The following SLX4IP variants were observed in gnomAD, a reference collection of about 807,000 sequenced individuals.
SLX4IP encodes protein SLX4IP.
A neutral mutation model predicts 32.9 loss-of-function variants in SLX4IP; 34 were observed. That is an observed-to-expected ratio of 1.03 (90% CI 0.79 to 1.38). The LOEUF (loss-of-function observed/expected upper bound fraction) is 1.38. Among genes scored for constraint, SLX4IP ranks in the 40% most tolerant of loss-of-function variants. The probability of loss-of-function intolerance (pLI) is 0.00; values close to 1 mark genes in which losing one functional copy is unlikely to be tolerated. For synonymous variants in SLX4IP, 172 were observed against 171.7 expected (o/e 1.00, Z -0.01); for missense variants, 444 against 479.0 (o/e 0.93, Z 0.68).
chr20:10,480,396 C>A (rs1032018371), intron 2 of SLX4IP, among the ~76,000 whole-genome samples: 4 of 144,862 alleles, frequency 2.8e-5, no homozygotes, highest in Non-Finnish European at 4.5e-5. Flanking sequence ...AACAGCAGGA[C>A]CCTGTTTCCA....
intron 6 of SLX4IP, among the ~76,000 whole-genome samples, chr20:10,608,708 T>C: frequency 6.7e-6 from 1 of 150,210 alleles, no homozygotes; most frequent in African/African-American, 2.4e-5. Context: ...ATAGAAAGTC[T>C]AAGGCACTTA....
At chr20:10,606,410 G>A (rs1239136282) in intron 6 of SLX4IP, among the ~76,000 whole-genome samples, 1 of 152,150 alleles carries the variant, frequency 6.6e-6, no homozygotes, top group East Asian at 1.9e-4. Context: ...TTTAGAAAAT[G>A]AAATAAGTAG....
chr20:10,502,700 T>G (rs2065729312), intron 2 of SLX4IP, among the ~76,000 whole-genome samples: 1 of 152,082 alleles, frequency 6.6e-6, no homozygotes, highest in Non-Finnish European at 1.5e-5. Flanking sequence ...TCCCCAAAAT[T>G]TTCTGTCTTG....
At chr20:10,552,832 T>A (rs1461361410) in intron 2 of SLX4IP, among the ~76,000 whole-genome samples, 1 of 126,706 alleles carries the variant, frequency 7.9e-6, no homozygotes. Flanking sequence ...CCCCACCCCC[T>A]TTTTTTTTTT....
intron 3 of SLX4IP, among the ~76,000 whole-genome samples, chr20:10,557,293 A>T (rs993747996): frequency 1.3e-5 from 2 of 152,196 alleles, no homozygotes; most frequent in Non-Finnish European, 2.9e-5. Flanking sequence ...AAAAGATTTT[A>T]TAGGATAATA....
At chr20:10,610,248 C>T (rs1350446380) in intron 6 of SLX4IP, among the ~76,000 whole-genome samples, 3 of 82,798 alleles carry the variant, frequency 3.6e-5, no homozygotes, top group Non-Finnish European at 5.3e-5. Flanking sequence ...ATACTGTTTG[C>T]AGCCACTTAT....
chr20:10,528,913 C>G (rs1366369645), intron 2 of SLX4IP, among the ~76,000 whole-genome samples: 4 of 152,224 alleles, frequency 2.6e-5, no homozygotes, highest in Non-Finnish European at 5.9e-5. Flanking sequence ...CAAACACAGC[C>G]TAGCTCAAAG....
intron 4 of SLX4IP, among the ~76,000 whole-genome samples, chr20:10,588,841 A>G (rs2066675188): frequency 6.6e-6 from 1 of 152,220 alleles, no homozygotes; most frequent in Admixed American, 6.5e-5. Context: ...TATAAGGTGA[A>G]TAAGTTCTGG....
rs549963214 is a variant in SLX4IP at position 10,627,557 on chromosome 20, C to T, written c.*4178C>T. On this transcript the variant is annotated 3_prime_UTR_variant, in exon 8 of 8. Transcript: ENST00000334534. ...CTATATTTATTTACAAGACAGGGAA[C>T]AAATATGTGTCAATGTGCAGCTTAA... 8.5e-5 allele frequency: 13 copies of T among 152,270 alleles called. No homozygotes were observed. Among genetic ancestry groups the T allele is most frequent in the African/African-American group, 3.1e-4 (13 of 41,560 alleles). The allele number at this position is 152,270 out of a possible 1,614,324, so 9.4% of individuals were successfully genotyped here.
chr20:10,560,682 AT>A lies in SLX4IP; in HGVS notation c.118-12del, dbSNP rs1445974873. The A allele has an allele frequency of 2.0e-6, 3 of 1,522,672 alleles. No homozygotes were observed. The highest frequency in any genetic ancestry group is 2.4e-5 in the East Asian group (1 of 42,526). The allele number at this position is 1,522,672 out of a possible 1,614,324, so 94.3% of individuals were successfully genotyped here. ...GCATTAAATTTGAAGGTTATATCTA[AT>A]TTTTTATTTGCTTTAGGAAGTCTGT... On this transcript the variant is annotated splice_polypyrimidine_tract_variant and intron_variant, in intron 3 of 7. Transcript: ENST00000334534.
At chr20:10,565,389 C>T (rs752050676) in intron 4 of SLX4IP, among the ~76,000 whole-genome samples, 13 of 152,114 alleles carry the variant, frequency 8.5e-5, no homozygotes, top group Admixed American at 1.3e-4. Context: ...AGCCATGAGT[C>T]GGGGACAGCT....
intron 4 of SLX4IP, among the ~76,000 whole-genome samples, chr20:10,591,612 G>T (rs1442987571): frequency 6.6e-6 from 1 of 152,166 alleles, no homozygotes; most frequent in Admixed American, 6.6e-5. Flanking sequence ...TGAGTGAAGG[G>T]TTTTAAAGAG....
chr20:10,494,397 TAA>T (rs891853486), intron 2 of SLX4IP, among the ~76,000 whole-genome samples: 1 of 150,520 alleles, frequency 6.6e-6, no homozygotes, highest in Non-Finnish European at 1.5e-5. Context: ...TATATTATTA[TAA>T]GTTTCTTTAA....
chr20:10,532,065 T>C (rs1375859746), intron 2 of SLX4IP, among the ~76,000 whole-genome samples: 3 of 152,210 alleles, frequency 2.0e-5, no homozygotes, highest in Admixed American at 6.5e-5. Flanking sequence ...CCTTTTTCAC[T>C]GTGGGCCTCA....
At chr20:10,491,741 C>G (rs998108200) in intron 2 of SLX4IP, among the ~76,000 whole-genome samples, 8 of 152,088 alleles carry the variant, frequency 5.3e-5, no homozygotes, top group African/African-American at 1.9e-4. Context: ...CAAAAGAATT[C>G]AAGAACTCAT....
intron 2 of SLX4IP, among the ~76,000 whole-genome samples, chr20:10,505,091 A>T (rs753782203): frequency 2.4e-4 from 36 of 152,298 alleles, no homozygotes; most frequent in Non-Finnish European, 4.7e-4. Flanking sequence ...TAAGTGATTT[A>T]TTTTTTTGTT....
intron 5 of SLX4IP, 113 bp downstream of exon 5, chr20:10,598,865 G>A: frequency 9.6e-7 from 1 of 1,036,576 alleles, no homozygotes. Flanking sequence ...TTGCCTTCAT[G>A]TCTTGAGTGT....
At chr20:10,589,396 G>A (rs1309790354) in intron 4 of SLX4IP, among the ~76,000 whole-genome samples, 1 of 152,090 alleles carries the variant, frequency 6.6e-6, no homozygotes, top group Non-Finnish European at 1.5e-5. Flanking sequence ...AGGATAAAAG[G>A]CCAAGAATAA....
chr20:10,458,128 A>G, intron 1 of SLX4IP, 48 bp from the exon 2 acceptor site: 3 of 1,264,174 alleles, frequency 2.4e-6, no homozygotes, highest in Non-Finnish European at 3.2e-6. Context: ...ATATCCAAAT[A>G]AAAAGAAATT....
Sources: gnomAD v4.1 joint callset for allele counts (sites outside exome capture counted in the v4.1 genomes callset) on GRCh38, gnomAD v4.1.1 for gene constraint, MANE v1.5 for transcripts, NCBI Gene and HGNC (gene_info 2026-07-23, HGNC 2026-07-21) for gene names.